The following SP4 variants were observed in gnomAD, a reference collection of about 807,000 sequenced individuals.
SP4 encodes transcription factor Sp4.
A neutral mutation model predicts 72.8 loss-of-function variants in SP4; 19 were observed. That is an observed-to-expected ratio of 0.26 (90% CI 0.18 to 0.38). The LOEUF is 0.38. SP4 is among the 10% of genes least tolerant of loss of function. The probability of loss-of-function intolerance (pLI) is 1.00; values close to 1 mark genes in which losing one functional copy is unlikely to be tolerated. For missense variants in SP4, 1,008 were observed against 926.3 expected (o/e 1.09, Z -1.14); for synonymous variants, 395 against 333.1 (o/e 1.19, Z -2.02).
chr7:21,449,556 C>T (rs1333580914), intron 3 of SP4, among the ~76,000 whole-genome samples: 1 of 152,134 alleles, frequency 6.6e-6, no homozygotes, highest in Non-Finnish European at 1.5e-5. Flanking sequence ...TAAATATGTA[C>T]ATATGTTTAA....
rs758229637 is a variant in SP4 at position 21,430,015 on chromosome 7, G to A, written c.850G>A (p.Gly284Ser). The change falls in exon 3 of 6, where the codon GGC becomes AGC. Residue 284 changes from glycine (G) to serine (S), a missense_variant. Physicochemically the swap from Gly to Ser is moderately conservative, Grantham distance 56 (BLOSUM62 0). Coordinates refer to ENST00000222584, the MANE Select transcript of SP4 (RefSeq NM_003112.5). ...VAAGGGTGQV[G>S]QPAATADSGT... ...TGCCGGAGGAGGGACTGGGCAGGTT[G>A]GCCAGCCTGCTGCTACTGCTGATAG... 1 of 1,614,160 alleles carries A rather than the reference G, an allele frequency of 6.2e-7. No individual in the cohort carries two copies. The highest frequency in any genetic ancestry group is 8.5e-7 in the Non-Finnish European group (1 of 1,180,032).
In SP4 at chr7:21,430,732, A is replaced by C. The variant is rs760865726; in HGVS notation, c.1567A>C (p.Asn523His). The C allele has an allele frequency of 6.2e-7, 1 of 1,614,164 alleles. No homozygotes were observed. The highest frequency in any genetic ancestry group is 1.1e-5 in the South Asian group (1 of 91,084). ...TGTTGCTGGTGCCCCAATAACTTTG[A>C]ATACTGCCCAGCTTGCATCAGTGCC... ...VAVAGAPITL[N>H]TAQLASVPNL... Residue 523 changes from asparagine (N) to histidine (H), a missense_variant, in exon 3 of 6, where the codon AAT becomes CAT. Physicochemically the swap from Asn to His is moderately conservative, Grantham distance 68 (BLOSUM62 1). Coordinates refer to ENST00000222584, the MANE Select transcript of SP4 (RefSeq NM_003112.5).
intron 3 of SP4, among the ~76,000 whole-genome samples, chr7:21,454,957 G>C (rs959478864): frequency 6.6e-6 from 1 of 152,216 alleles, no homozygotes. Context: ...CATTAGCACA[G>C]AGTAGGCAGC....
At chr7:21,457,427 G>A (rs1238146121) in intron 3 of SP4, among the ~76,000 whole-genome samples, 1 of 152,114 alleles carries the variant, frequency 6.6e-6, no homozygotes, top group Non-Finnish European at 1.5e-5. Flanking sequence ...TGCCTTGCAT[G>A]TGGTTGGTGC....
chr7:21,495,500 C>T (rs980801235), intron 5 of SP4, among the ~76,000 whole-genome samples: 6 of 151,718 alleles, frequency 4.0e-5, no homozygotes, highest in Non-Finnish European at 5.9e-5. Flanking sequence ...TGTCTGATAT[C>T]ATCTATTAGG....
intron 3 of SP4, among the ~76,000 whole-genome samples, chr7:21,455,852 G>C (rs1177799468): frequency 6.6e-6 from 1 of 152,166 alleles, no homozygotes; most frequent in African/African-American, 2.4e-5. Flanking sequence ...GCAACAAAAT[G>C]ATGATCTCTT....
chr7:21,500,616 G>A (rs1296735304), intron 5 of SP4, among the ~76,000 whole-genome samples: 1 of 152,132 alleles, frequency 6.6e-6, no homozygotes, highest in East Asian at 1.9e-4. Flanking sequence ...TTCCTTGCCA[G>A]CTGGCAGTTG....
intron 3 of SP4, among the ~76,000 whole-genome samples, chr7:21,440,169 A>G (rs1272655948): frequency 4.6e-5 from 7 of 152,260 alleles, no homozygotes; most frequent in Admixed American, 6.5e-5. Flanking sequence ...GCCCCCACCA[A>G]TTAGTTGTAC....
At chr7:21,433,762 G>T (rs929769883) in intron 3 of SP4, among the ~76,000 whole-genome samples, 3 of 152,140 alleles carry the variant, frequency 2.0e-5, no homozygotes, top group African/African-American at 7.2e-5. Flanking sequence ...CCAACATGGA[G>T]AAACCCTGTC....
chr7:21,495,477 G>A (rs1781680776), intron 5 of SP4, among the ~76,000 whole-genome samples: 1 of 151,936 alleles, frequency 6.6e-6, no homozygotes, highest in South Asian at 2.1e-4. Context: ...TGACGGAAAA[G>A]TGCATGAAAA....
At chr7:21,481,722 C>A (rs1254961711) in intron 4 of SP4, among the ~76,000 whole-genome samples, 2 of 152,166 alleles carry the variant, frequency 1.3e-5, no homozygotes, top group African/African-American at 4.8e-5. Context: ...GAGATTAACA[C>A]ATTTTCATAG....
At chr7:21,469,613 C>G (rs1049373098) in intron 3 of SP4, among the ~76,000 whole-genome samples, 1 of 149,342 alleles carries the variant, frequency 6.7e-6, no homozygotes, top group Non-Finnish European at 1.5e-5. Context: ...GAGATCTCCA[C>G]TCACTGCAAC....
intron 5 of SP4, among the ~76,000 whole-genome samples, chr7:21,497,082 G>A (rs1471484413): frequency 6.6e-6 from 1 of 152,166 alleles, no homozygotes; most frequent in African/African-American, 2.4e-5. Flanking sequence ...ATTATCCCCT[G>A]TCTTGGGCAT....
chr7:21,439,394 T>C lies in SP4; in HGVS notation c.1678+8551T>C, dbSNP rs1783158264. On this transcript the variant is annotated intron_variant, in intron 3 of 5. Transcript: ENST00000222584. ...TGCAAGTACAATTTTGTTACATCGATATGTTGTATAGTGGCGAAGGCAGGG... is the reference window on the plus strand; with the variant it reads ...TGCAAGTACAATTTTGTTACATCGACATGTTGTATAGTGGCGAAGGCAGGG... Among the ~76,000 whole-genome samples, 3 of 152,306 alleles carry C rather than the reference T, an allele frequency of 2.0e-5. No homozygotes were observed. In the South Asian group the frequency reaches 6.2e-4, roughly 32 times the overall value.
chr7:21,504,973 A>G (rs1045302413), intron 5 of SP4, among the ~76,000 whole-genome samples: 2 of 152,224 alleles, frequency 1.3e-5, no homozygotes, highest in South Asian at 2.1e-4. Flanking sequence ...ACTGTTACCA[A>G]CAGATGGAAT....
intron 3 of SP4, among the ~76,000 whole-genome samples, chr7:21,447,867 A>G (rs1783476358): frequency 6.6e-6 from 1 of 152,168 alleles, no homozygotes; most frequent in East Asian, 1.9e-4. Flanking sequence ...TATTGTTACT[A>G]GAGATGGGGT....
intron 5 of SP4, among the ~76,000 whole-genome samples, chr7:21,489,554 T>G (rs1236502082): frequency 6.4e-5 from 1 of 15,642 alleles, no homozygotes; most frequent in Admixed American, 3.4e-4. Context: ...TTCTTTTTTC[T>G]TTTTTTTTTT....
At chr7:21,460,911 C>T (rs961314833) in intron 3 of SP4, among the ~76,000 whole-genome samples, 1 of 152,074 alleles carries the variant, frequency 6.6e-6, no homozygotes, top group African/African-American at 2.4e-5. Flanking sequence ...GGTGCATTCA[C>T]AATCCCTTAG....
rs150133134 is a variant in SP4 at position 21,430,022 on chromosome 7, C to T, written c.857C>T (p.Pro286Leu). ...AGGGTGQVGQ[P>L]AATADSGTSN... ...GGAGGGACTGGGCAGGTTGGCCAGC[C>T]TGCTGCTACTGCTGATAGTGGGACT... is the stretch of plus-strand genomic sequence containing the variant. The change falls in exon 3 of 6, where the codon CCT (proline) becomes CTT (leucine). Residue 286 changes from proline (P) to leucine (L), a missense_variant. Around this residue, in one of 3 missense-constraint regions of SP4, gnomAD observed 893 missense variants for 743.3 expected, o/e 1.20. Coordinates refer to ENST00000222584, the MANE Select transcript of SP4 (RefSeq NM_003112.5). 2.5e-6 allele frequency: 4 copies of T among 1,614,188 alleles called. No individual in the cohort carries two copies. The highest frequency in any genetic ancestry group is 3.4e-6 in the Non-Finnish European group (4 of 1,180,034).
Sources: gnomAD v4.1 joint callset for allele counts (sites outside exome capture counted in the v4.1 genomes callset) on GRCh38, gnomAD v4.1.1 for gene constraint, gnomAD v4.1.1 regional missense constraint, MANE v1.5 for transcripts, NCBI Gene and HGNC (gene_info 2026-07-23, HGNC 2026-07-21) for gene names.